Variants in ARL15 observed in about 807,000 individuals in gnomAD.
The protein encoded by ARL15 is ADP-ribosylation factor-like protein 15.
A neutral mutation model predicts 25.2 loss-of-function variants in ARL15; 19 were observed. The observed-to-expected ratio is 0.75, with a 90% CI of 0.53 to 1.10. The LOEUF (loss-of-function observed/expected upper bound fraction) is 1.10. ARL15 is among the 50% of genes least tolerant of loss of function. ARL15 has a pLI of 0.00. For synonymous variants in ARL15, 94 were observed against 86.8 expected (o/e 1.08, Z -0.46); for missense variants, 220 against 246.0 (o/e 0.89, Z 0.71).
At chr5:54,258,803 C>T (rs780830531) in intron 1 of ARL15, among the ~76,000 whole-genome samples, 35 of 152,138 alleles carry the variant, frequency 2.3e-4, no homozygotes, top group Admixed American at 1.2e-3. Flanking sequence ...AGATCACAGG[C>T]CCAAAGCACC....
chr5:53,922,789 C>T (rs1360596974), intron 4 of ARL15, among the ~76,000 whole-genome samples: 1 of 152,190 alleles, frequency 6.6e-6, no homozygotes, highest in East Asian at 1.9e-4. Flanking sequence ...ACTTTTCCAT[C>T]TGTGCTGACA....
At chr5:53,966,548 G>A (rs113320122) in intron 4 of ARL15, among the ~76,000 whole-genome samples, 5 of 152,136 alleles carry the variant, frequency 3.3e-5, no homozygotes, top group African/African-American at 1.2e-4. Context: ...GTGTGCTGTT[G>A]GGACAATCAT....
intron 4 of ARL15, among the ~76,000 whole-genome samples, chr5:53,935,840 C>G (rs532130395): frequency 6.6e-5 from 10 of 152,288 alleles, no homozygotes; most frequent in Admixed American, 5.2e-4. Flanking sequence ...CCTCTGCCTC[C>G]TGAGTTCAAG....
chr5:54,247,594 A>C (rs1169323681), intron 1 of ARL15, among the ~76,000 whole-genome samples: 1 of 151,818 alleles, frequency 6.6e-6, no homozygotes. Flanking sequence ...AAAAAAAAAA[A>C]CCCGAACACG....
chr5:54,085,946 C>G (rs1277869836), intron 4 of ARL15, among the ~76,000 whole-genome samples: 1 of 151,084 alleles, frequency 6.6e-6, no homozygotes, highest in Non-Finnish European at 1.5e-5. Flanking sequence ...TGGCGTTTCA[C>G]TCTTTTTGCC....
chr5:54,251,135 C>T (rs1467587045), intron 1 of ARL15, among the ~76,000 whole-genome samples: 1 of 121,224 alleles, frequency 8.2e-6, no homozygotes, highest in Non-Finnish European at 2.1e-5. Context: ...ACTTGAAAGC[C>T]CCTCCCCTAA....
intron 4 of ARL15, among the ~76,000 whole-genome samples, chr5:54,051,155 T>G (rs1750690372): frequency 6.6e-6 from 1 of 152,224 alleles, no homozygotes; most frequent in African/African-American, 2.4e-5. Context: ...ATCTCCTTTG[T>G]GGCACATGCG....
At chr5:54,154,709 A>G in intron 2 of ARL15, 70 bp from the exon 3 acceptor site, 1 of 942,598 alleles carries the variant, frequency 1.1e-6, no homozygotes. Flanking sequence ...AGGATGCTCA[A>G]ATTGTCTCTT....
intron 2 of ARL15, among the ~76,000 whole-genome samples, chr5:54,159,019 G>C (rs1483676530): frequency 6.6e-6 from 1 of 152,126 alleles, no homozygotes; most frequent in East Asian, 1.9e-4. Context: ...TACTGGTAAA[G>C]TCAACTGACC....
At chr5:54,123,834 A>G (rs995703634) in intron 3 of ARL15, among the ~76,000 whole-genome samples, 1 of 152,222 alleles carries the variant, frequency 6.6e-6, no homozygotes, top group Non-Finnish European at 1.5e-5. Context: ...AATTAATTTT[A>G]ATTAACTTTA....
chr5:54,124,880 A>G (rs1033887577), intron 3 of ARL15, among the ~76,000 whole-genome samples: 32 of 152,038 alleles, frequency 2.1e-4, no homozygotes, highest in African/African-American at 5.6e-4. Flanking sequence ...AGACTCTAAG[A>G]TGACCTCCAA....
chr5:54,103,449 G>A (rs755662016), intron 4 of ARL15, among the ~76,000 whole-genome samples: 1 of 152,074 alleles, frequency 6.6e-6, no homozygotes, highest in Non-Finnish European at 1.5e-5. Flanking sequence ...AAGTGGTAAT[G>A]TGACTATTGA....
chr5:54,192,716 C>A (rs1001240066), intron 1 of ARL15, among the ~76,000 whole-genome samples: 12 of 151,576 alleles, frequency 7.9e-5, no homozygotes, highest in Non-Finnish European at 8.8e-5. Flanking sequence ...CAAGAAGACA[C>A]AAGAGGAGAA....
intron 3 of ARL15, among the ~76,000 whole-genome samples, chr5:54,121,764 AT>A (rs1222816399): frequency 7.2e-5 from 11 of 152,186 alleles, no homozygotes; most frequent in Non-Finnish European, 1.3e-4. Context: ...TCTAAGTAAC[AT>A]GAAAACTCCG....
chr5:53,947,169 T>TGG (rs1561160921), intron 4 of ARL15, among the ~76,000 whole-genome samples: 1 of 18,458 alleles, frequency 5.4e-5, no homozygotes, highest in Non-Finnish European at 1.1e-4. Context: ...TAAATAAGGG[T>TGG]GTGTGTGTGT....
At chr5:54,198,306 CAGG>C (rs1235236110) in intron 1 of ARL15, among the ~76,000 whole-genome samples, 1 of 152,062 alleles carries the variant, frequency 6.6e-6, no homozygotes, top group Admixed American at 6.6e-5. Flanking sequence ...GGCAATCAGG[CAGG>C]AGAAGGAAAT....
chr5:54,065,815 C>T (rs893555372), intron 4 of ARL15, among the ~76,000 whole-genome samples: 16 of 150,118 alleles, frequency 1.1e-4, no homozygotes, highest in Admixed American at 2.6e-4. Context: ...TAATAATTTT[C>T]AGTACTGATT....
intron 4 of ARL15, among the ~76,000 whole-genome samples, chr5:53,923,463 C>A (rs922422354): frequency 1.3e-5 from 2 of 152,004 alleles, no homozygotes; most frequent in African/African-American, 2.4e-5. Flanking sequence ...AATTATACAT[C>A]CTGTATAATT....
chr5:54,058,376 T>G (rs1210626782), intron 4 of ARL15, among the ~76,000 whole-genome samples: 3 of 152,148 alleles, frequency 2.0e-5, no homozygotes, highest in Admixed American at 6.6e-5. Flanking sequence ...CTGTTTTACA[T>G]GAATTAAGTA....
Sources: allele counts gnomAD v4.1 joint callset (sites outside exome capture counted in the v4.1 genomes callset), GRCh38; gene constraint gnomAD v4.1.1; transcripts MANE v1.5; gene names NCBI Gene and HGNC (gene_info 2026-07-23, HGNC 2026-07-21).